ARL6IP5: variants seen among roughly 807,000 people sequenced by gnomAD.
ARL6IP5 encodes the protein PRA1 family protein 3.
ARL6IP5 carries 6 observed loss-of-function variants against 13.0 expected under a neutral mutation model. The observed-to-expected ratio is 0.46, with a 90% confidence interval of 0.25 to 0.91. ARL6IP5 has a LOEUF of 0.91. Among genes scored for constraint, ARL6IP5 ranks in the 40% least tolerant of loss-of-function variants. The pLI, the probability that ARL6IP5 is intolerant of heterozygous loss-of-function variation, is 0.17. For missense variants in ARL6IP5, 208 were observed against 248.8 expected, an observed-to-expected ratio of 0.84 and a Z score of 1.10; for synonymous variants, 91 against 91.9, an observed-to-expected ratio of 0.99 and a Z score of 0.06.
At chr3:69,088,775 A>C (rs2092255721) in intron 1 of ARL6IP5, among the ~76,000 whole-genome samples, 1 of 152,260 alleles carries the variant, frequency 6.6e-6, no homozygotes, top group Non-Finnish European at 1.5e-5. Context: ...TACCTTCTGC[A>C]TCCTTGATGT....
At chr3:69,085,309 C>G (rs1266924325) in intron 1 of ARL6IP5, 86 bp downstream of exon 1, 1 of 1,464,884 alleles carries the variant, frequency 6.8e-7, no homozygotes, top group Admixed American at 2.1e-5. Flanking sequence ...TGTAGAGACG[C>G]TCTCTGACCA....
intron 1 of ARL6IP5, among the ~76,000 whole-genome samples, chr3:69,094,661 T>C (rs1307840820): frequency 1.3e-5 from 2 of 152,162 alleles, no homozygotes; most frequent in African/African-American, 4.8e-5. Flanking sequence ...CCTCAGGAAA[T>C]ATTTTGCTGC....
At chr3:69,093,826 C>T (rs1341937634) in intron 1 of ARL6IP5, among the ~76,000 whole-genome samples, 1 of 151,972 alleles carries the variant, frequency 6.6e-6, no homozygotes, top group Non-Finnish European at 1.5e-5. Flanking sequence ...TGGCACTCAC[C>T]TGTAGTCTGT....
chr3:69,092,223 A>G (rs893653801), intron 1 of ARL6IP5, among the ~76,000 whole-genome samples: 5 of 152,146 alleles, frequency 3.3e-5, no homozygotes, highest in African/African-American at 4.8e-5. Flanking sequence ...TCGTTATGCA[A>G]TTTGCTAAAG....
intron 1 of ARL6IP5, among the ~76,000 whole-genome samples, chr3:69,096,886 G>A (rs999497476): frequency 2.6e-5 from 4 of 152,096 alleles, no homozygotes; most frequent in Non-Finnish European, 5.9e-5. Context: ...ACAGGTGTGA[G>A]CCACTGTACC....
Position 69,105,365 on chromosome 3 carries a change from A to G in ARL6IP5, c.*729A>G, listed in dbSNP as rs1468365206. ...ATTCTGGACGGACTTATTAAAATAC[A>G]AACAGACAAAAAATAAAACAAAACT... On this transcript the variant is annotated 3_prime_UTR_variant, in exon 3 of 3. Coordinates refer to ENST00000273258, the MANE Select transcript of ARL6IP5 (RefSeq NM_006407.4). The G allele has an allele frequency of 5.2e-5, 8 of 152,394 alleles. No individual in the cohort carries two copies. Among genetic ancestry groups the G allele is most frequent in the African/African-American group, 1.9e-4 (8 of 41,470 alleles). 9.4% of individuals were successfully genotyped at this position (152,394 alleles called of 1,614,324 possible).
rs758331284 is a variant in ARL6IP5, at chr3:69,085,001, C to T, written c.-47C>T. On this transcript the variant is annotated 5_prime_UTR_variant, in exon 1 of 3. Transcript: ENST00000273258. ...CTCAGCTCAGCTGATCGGTTGCCGC[C>T]GCCGCCGCCGCCAGATTCTGGAGGC... 1.1e-5 allele frequency: 18 copies of T among 1,590,916 alleles called. No individual in the cohort carries two copies. Among genetic ancestry groups the T allele is most frequent in the Non-Finnish European group, 1.4e-5 (16 of 1,168,718 alleles).
intron 1 of ARL6IP5, among the ~76,000 whole-genome samples, chr3:69,087,901 T>C (rs1413400289): frequency 2.0e-5 from 3 of 152,252 alleles, no homozygotes; most frequent in Admixed American, 6.5e-5. Flanking sequence ...TCTATGCAAC[T>C]ATAAGCACAG....
rs114299453 is a variant in ARL6IP5 at position 69,091,577 on chromosome 3, G to A, written c.176+6354G>A. Among the ~76,000 whole-genome samples, 467 of 151,878 alleles carry A rather than the reference G, an allele frequency of 3.1e-3. 1 individual carries two copies. The highest frequency in any genetic ancestry group is 0.01 in the African/African-American group (433 of 41,386). ...CTCCGAAAGTGCTGGGATGACAGGC[G>A]AGAGGTATGGCTGGCACACCTTTGA... On this transcript the variant is annotated intron_variant, in intron 1 of 2. Transcript: ENST00000273258.
intron 1 of ARL6IP5, among the ~76,000 whole-genome samples, chr3:69,095,612 A>G (rs2092284484): frequency 6.6e-6 from 1 of 151,378 alleles, no homozygotes; most frequent in Admixed American, 6.6e-5. Context: ...CTCGTGTCTC[A>G]GCCTCCTGAA....
intron 1 of ARL6IP5, among the ~76,000 whole-genome samples, chr3:69,096,672 C>T (rs955771691): frequency 4.2e-5 from 6 of 141,672 alleles, no homozygotes; most frequent in Admixed American, 7.4e-5. Flanking sequence ...GGCACAATCT[C>T]GGCTCACTGC....
At chr3:69,085,715 A>G (rs1470690805) in intron 1 of ARL6IP5, among the ~76,000 whole-genome samples, 3 of 152,042 alleles carry the variant, frequency 2.0e-5, no homozygotes, top group Non-Finnish European at 2.9e-5. Context: ...TGCCTGCCAC[A>G]CTGTACAGTA....
chr3:69,103,699 C>T (rs905573132), intron 2 of ARL6IP5, among the ~76,000 whole-genome samples: 1 of 152,124 alleles, frequency 6.6e-6, no homozygotes, highest in Non-Finnish European at 1.5e-5. Context: ...TTGTAACAGT[C>T]TGAATTTGGG....
intron 2 of ARL6IP5, among the ~76,000 whole-genome samples, chr3:69,103,405 GAGATT>G (rs1262604346): frequency 1.3e-5 from 2 of 152,176 alleles, no homozygotes; most frequent in African/African-American, 4.8e-5. Flanking sequence ...CTAAAGTAAG[GAGATT>G]AGATAAGTGA....
intron 1 of ARL6IP5, chr3:69,100,101 A>G (rs1291095687): frequency 6.6e-6 from 1 of 152,104 alleles, no homozygotes; most frequent in Non-Finnish European, 1.5e-5. Flanking sequence ...TAATTTTTGT[A>G]TTTTTAGTAG....
intron 1 of ARL6IP5, among the ~76,000 whole-genome samples, chr3:69,087,209 C>T (rs2092251357): frequency 2.0e-5 from 3 of 151,772 alleles, no homozygotes; most frequent in Admixed American, 2.0e-4. Context: ...GATGGGGTCT[C>T]ACTATGTTGC....
chr3:69,089,009 G>A (rs2092256806), intron 1 of ARL6IP5, among the ~76,000 whole-genome samples: 1 of 152,208 alleles, frequency 6.6e-6, no homozygotes, highest in Admixed American at 6.5e-5. Context: ...CCATGGAACA[G>A]CAGCATCTTT....
In ARL6IP5 at chr3:69,104,991, G is replaced by C; in HGVS notation, c.*355G>C. 2 of 659,796 alleles carry C rather than the reference G, an allele frequency of 3.0e-6. No individual in the cohort carries two copies. Among genetic ancestry groups the C allele is most frequent in the Non-Finnish European group, 5.4e-6 (2 of 369,754 alleles). 40.9% of individuals were successfully genotyped at this position (659,796 alleles called of 1,614,324 possible). A position where few individuals can be genotyped will look rare whatever the true frequency, so the allele number is the denominator to read the frequency against. ...ATAGGAAAAAAAAAATCATTGTAAA[G>C]TATCAAGACAATACGAGTAAATGAA... On this transcript the variant is annotated 3_prime_UTR_variant, in exon 3 of 3. Transcript: ENST00000273258.
intron 1 of ARL6IP5, among the ~76,000 whole-genome samples, chr3:69,101,563 C>T (rs904293487): frequency 2.6e-5 from 4 of 151,952 alleles, no homozygotes; most frequent in African/African-American, 9.7e-5. Flanking sequence ...TCAAGTGATC[C>T]TCCCACCTTG....
Sources: gnomAD v4.1 joint callset for allele counts (sites outside exome capture counted in the v4.1 genomes callset) on GRCh38, gnomAD v4.1.1 for gene constraint, MANE v1.5 for transcripts, NCBI Gene and HGNC (gene_info 2026-07-23, HGNC 2026-07-21) for gene names.